Variants in GRM8 observed in about 807,000 individuals in gnomAD.
GRM8 encodes metabotropic glutamate receptor 8.
A neutral mutation model predicts 87.2 loss-of-function variants in GRM8; 47 were observed. The ratio of observed to expected loss-of-function variants is 0.54; its 90% confidence interval spans 0.43 to 0.69. The LOEUF is 0.69. Ranked by LOEUF, GRM8 falls within the 30% of genes least tolerant of loss-of-function variation. The probability of loss-of-function intolerance (pLI) is 0.00; values close to 1 mark genes in which losing one functional copy is unlikely to be tolerated. For missense variants in GRM8, 1,019 were observed against 1,139.2 expected, an observed-to-expected ratio of 0.89 and a Z score of 1.52; for synonymous variants, 396 against 404.5, an observed-to-expected ratio of 0.98 and a Z score of 0.25.
At chr7:127,101,126 C>A (rs942812819) in intron 3 of GRM8, among the ~76,000 whole-genome samples, 11 of 152,112 alleles carry the variant, frequency 7.2e-5, no homozygotes, top group Non-Finnish European at 1.5e-4. Context: ...ACTTTAATTT[C>A]TTTCATACCC....
At chr7:126,468,945 T>A (rs1340076568) in intron 9 of GRM8, among the ~76,000 whole-genome samples, 1 of 152,274 alleles carries the variant, frequency 6.6e-6, no homozygotes, top group East Asian at 1.9e-4. Flanking sequence ...GATAAAATAG[T>A]TCTTATCTCA....
At chr7:127,189,805 A>C (rs1794924596) in intron 2 of GRM8, among the ~76,000 whole-genome samples, 1 of 152,176 alleles carries the variant, frequency 6.6e-6, no homozygotes, top group African/African-American at 2.4e-5. Flanking sequence ...TACTGTTAGG[A>C]GAACCTTTTG....
rs563927297 is a variant in GRM8 at position 126,922,004 on chromosome 7, G to A, written c.728-17321C>T. Among the ~76,000 whole-genome samples, 20 of 152,146 alleles carry A rather than the reference G, an allele frequency of 1.3e-4. No individual in the cohort carries two copies. The Middle Eastern group carries it at 0.017, about 129-fold the overall frequency. ...GATCATCCCACCCAGATTAGAGCAG[G>A]GAAAGGAAGCCTCCAGAAGAATCTC... On this transcript the variant is annotated intron_variant, in intron 3 of 10. Transcript: ENST00000339582.
At chr7:126,779,190 G>A (rs985662734) in intron 6 of GRM8, among the ~76,000 whole-genome samples, 3 of 151,972 alleles carry the variant, frequency 2.0e-5, no homozygotes, top group African/African-American at 7.2e-5. Context: ...TATTCAATGT[G>A]ATATTTGGGT....
intron 7 of GRM8, among the ~76,000 whole-genome samples, chr7:126,656,147 A>G (rs983136378): frequency 2.0e-5 from 3 of 152,182 alleles, no homozygotes; most frequent in African/African-American, 7.2e-5. Context: ...CAATAAAATA[A>G]TTCCAAGGGG....
intron 3 of GRM8, among the ~76,000 whole-genome samples, chr7:126,962,351 C>T (rs1809406189): frequency 6.6e-6 from 1 of 152,192 alleles, no homozygotes; most frequent in Admixed American, 6.5e-5. Context: ...ACAATGCCCC[C>T]ATGCTGCTGC....
At chr7:126,522,714 G>A (rs984484790) in intron 9 of GRM8, among the ~76,000 whole-genome samples, 1 of 152,120 alleles carries the variant, frequency 6.6e-6, no homozygotes. Context: ...TTGTCTAGGA[G>A]GCTGTTTGCA....
chr7:126,631,025 T>C (rs924147358), intron 7 of GRM8, among the ~76,000 whole-genome samples: 2 of 152,140 alleles, frequency 1.3e-5, no homozygotes, highest in African/African-American at 4.8e-5. Context: ...TTAGAAGTTC[T>C]AGCCAGGGCA....
intron 6 of GRM8, among the ~76,000 whole-genome samples, chr7:126,899,992 T>G (rs1467233428): frequency 6.6e-6 from 1 of 152,152 alleles, no homozygotes; most frequent in Non-Finnish European, 1.5e-5. Context: ...TGAGACAACC[T>G]TGACTCCCAG....
intron 3 of GRM8, among the ~76,000 whole-genome samples, chr7:127,091,909 C>T (rs1228911556): frequency 9.0e-6 from 1 of 111,142 alleles, no homozygotes; most frequent in East Asian, 3.1e-4. Context: ...TGATGACTCC[C>T]CCTCCAACCC....
Position 126,507,950 on chromosome 7 carries a change from T to A in GRM8, c.2430+25002A>T, listed in dbSNP as rs183122156. Among the ~76,000 whole-genome samples the A allele has an allele frequency of 1.5e-4, 23 of 152,114 alleles. No homozygotes were observed. In the East Asian group the frequency reaches 3.5e-3, roughly 23 times the overall value. On this transcript the variant is annotated intron_variant, in intron 9 of 10. Coordinates refer to ENST00000339582, the MANE Select transcript of GRM8 (RefSeq NM_000845.3). ...CTGGGTTCTCTCTCTCCCCATCCCC[T>A]CTGTTCATTTCGAAACCCTCTATGT...
In GRM8 at chr7:127,185,892, TTTCTCA is replaced by T. The variant is rs1794709319; in HGVS notation, c.510+56797_510+56802del. 2.1e-5 allele frequency among the ~76,000 whole-genome samples: 3 copies of T among 146,040 alleles called. No individual in the cohort carries two copies. The South Asian group carries it at 6.9e-4, about 34-fold the overall frequency. Reference sequence around the variant, plus strand: ...GAATAAATTTCTATCTCTCATCCTCTTTCTCATTAAGTATGCATTACTATCTATTTC... The same window carrying T: ...GAATAAATTTCTATCTCTCATCCTCTTTAAGTATGCATTACTATCTATTTC... On this transcript the variant is annotated intron_variant, in intron 2 of 10. Transcript: ENST00000339582.
intron 7 of GRM8, among the ~76,000 whole-genome samples, chr7:126,679,634 C>A (rs1430929522): frequency 6.6e-6 from 1 of 152,128 alleles, no homozygotes; most frequent in Non-Finnish European, 1.5e-5. Flanking sequence ...ATAATAATCA[C>A]CATACATGAG....
intron 6 of GRM8, among the ~76,000 whole-genome samples, chr7:126,806,405 G>C (rs1792721054): frequency 6.6e-6 from 1 of 152,226 alleles, no homozygotes; most frequent in Non-Finnish European, 1.5e-5. Flanking sequence ...TTATTGCAAA[G>C]AGCGAAAGAA....
intron 7 of GRM8, among the ~76,000 whole-genome samples, chr7:126,676,802 A>G (rs973166584): frequency 6.6e-6 from 1 of 152,236 alleles, no homozygotes; most frequent in African/African-American, 2.4e-5. Flanking sequence ...ACTCTTCTGG[A>G]CATTGGCCTA....
chr7:126,718,114 G>A (rs1429578509), intron 7 of GRM8, among the ~76,000 whole-genome samples: 1 of 151,994 alleles, frequency 6.6e-6, no homozygotes, highest in Non-Finnish European at 1.5e-5. Flanking sequence ...GCAGGCGCCT[G>A]TAGCCCCAGC....
intron 9 of GRM8, among the ~76,000 whole-genome samples, chr7:126,500,040 A>G (rs1809406173): frequency 6.6e-6 from 1 of 151,988 alleles, no homozygotes; most frequent in Non-Finnish European, 1.5e-5. Context: ...TAACATATTT[A>G]TCACCTCAAG....
chr7:126,631,326 G>A (rs1197557948), intron 7 of GRM8, among the ~76,000 whole-genome samples: 1 of 151,924 alleles, frequency 6.6e-6, no homozygotes, highest in Non-Finnish European at 1.5e-5. Context: ...AGCTAACAAG[G>A]GAAGTGAAGG....
At chr7:126,976,317 C>T (rs1810981001) in intron 3 of GRM8, among the ~76,000 whole-genome samples, 1 of 152,036 alleles carries the variant, frequency 6.6e-6, no homozygotes, top group African/African-American at 2.4e-5. Flanking sequence ...AAGTATTGGC[C>T]GGGCGCAGTG....
Sources: allele counts gnomAD v4.1 joint callset (sites outside exome capture counted in the v4.1 genomes callset), GRCh38; gene constraint gnomAD v4.1.1; transcripts MANE v1.5; gene names NCBI Gene and HGNC (gene_info 2026-07-23, HGNC 2026-07-21).